The following CSNK2A1 variants were observed in gnomAD, a reference collection of about 807,000 sequenced individuals.
The protein encoded by CSNK2A1 is casein kinase 2 alpha 1, also known as casein kinase II subunit alpha.
CSNK2A1 carries 10 observed loss-of-function variants against 62.9 expected under a neutral mutation model. The ratio of observed to expected loss-of-function variants is 0.16; its 90% CI spans 0.10 to 0.27. CSNK2A1 has a LOEUF of 0.27. Among genes scored for constraint, CSNK2A1 ranks in the 10% least tolerant of loss-of-function variants. The pLI is 1.00. For synonymous variants in CSNK2A1, 124 were observed against 167.8 expected (o/e 0.74, Z 2.02); for missense variants, 160 against 492.0 (o/e 0.33, Z 6.38).
chr20:531,230 G>A (rs2019205785), intron 1 of CSNK2A1, among the ~76,000 whole-genome samples: 1 of 152,110 alleles, frequency 6.6e-6, no homozygotes, highest in Non-Finnish European at 1.5e-5. Context: ...GGGCAGGTAG[G>A]TCTGTCTGTC....
At chr20:501,985 TGA>T in intron 4 of CSNK2A1, 1 of 152,314 alleles carries the variant, frequency 6.6e-6, no homozygotes, top group East Asian at 1.9e-4. Flanking sequence ...CTCAAGCACA[TGA>T]TAGCAGAAAG....
chr20:515,872 G>A (rs553414652), intron 2 of CSNK2A1, among the ~76,000 whole-genome samples: 6 of 152,268 alleles, frequency 3.9e-5, no homozygotes, highest in Admixed American at 2.6e-4. Flanking sequence ...CATCTGGTAC[G>A]CAACTAGGAG....
chr20:525,333 G>A (rs565594805), intron 2 of CSNK2A1, among the ~76,000 whole-genome samples: 59 of 152,020 alleles, frequency 3.9e-4, no homozygotes, highest in Middle Eastern at 3.4e-3. Context: ...GCAACATGGC[G>A]AGACCTCGCC....
Position 484,104 on chromosome 20 carries a change from A to G in CSNK2A1, c.1061-28T>C, listed in dbSNP as rs760037262. The G allele has an allele frequency of 2.6e-6, 4 of 1,514,800 alleles. No individual in the cohort carries two copies. In the South Asian group the frequency reaches 3.8e-5, roughly 14 times the overall value. The allele number at this position is 1,514,800 out of a possible 1,614,324, so 93.8% of individuals were successfully genotyped here. A position where few individuals can be genotyped will look rare whatever the true frequency, so the allele number is the denominator to read the frequency against. On this transcript the variant is annotated intron_variant, in intron 13 of 13. Coordinates refer to ENST00000217244, the MANE Select transcript of CSNK2A1 (RefSeq NM_177559.3). The stretch of plus-strand genomic sequence containing the variant: ...GAAAGAAAAGAGCTGTCAGTGAGCC[A>G]AAGACACCAACCATGGCAATCTTAC...
intron 1 of CSNK2A1, among the ~76,000 whole-genome samples, chr20:538,072 T>C (rs1009137278): frequency 6.6e-6 from 1 of 151,972 alleles, no homozygotes; most frequent in African/African-American, 2.4e-5. Flanking sequence ...TTCAAGTGAT[T>C]CTCAGCCTCC....
chr20:485,224 C>T (rs758183321), intron 13 of CSNK2A1, among the ~76,000 whole-genome samples: 1 of 147,932 alleles, frequency 6.8e-6, no homozygotes, highest in Non-Finnish European at 1.5e-5. Flanking sequence ...CTCACTCTCA[C>T]CCAGGCTGGA....
intron 8 of CSNK2A1, chr20:493,984 G>A (rs1290379397): frequency 6.7e-6 from 1 of 148,416 alleles, no homozygotes; most frequent in Non-Finnish European, 1.5e-5. Flanking sequence ...GGATATGCCA[G>A]TTTGTTTAAC....
At chr20:530,910 C>A (rs1376244340) in intron 1 of CSNK2A1, among the ~76,000 whole-genome samples, 2 of 151,994 alleles carry the variant, frequency 1.3e-5, no homozygotes, top group African/African-American at 4.8e-5. Flanking sequence ...CATGATGAAA[C>A]CCCATTTGTA....
rs530361046 is a variant in CSNK2A1, at chr20:538,094, G to C, written c.-227+5578C>G. Among the ~76,000 whole-genome samples the C allele has an allele frequency of 6.2e-4, 95 of 152,078 alleles. 1 individual carries two copies. The highest frequency in any genetic ancestry group is 2.6e-3 in the Admixed American group (39 of 15,274). ...GATTCTCAGCCTCCTGAGTAGCTGG[G>C]ACCACAGGCACGCACCTCCACACTC... On this transcript the variant is annotated intron_variant, in intron 1 of 13. Transcript: ENST00000217244.
At chr20:532,330 AT>A (rs138287291) in intron 1 of CSNK2A1, among the ~76,000 whole-genome samples, 48,035 of 121,910 alleles carry the variant, frequency 0.39, 8,830 homozygotes, top group East Asian at 0.61. Flanking sequence ...TGCCCGGCTA[AT>A]TTTTTTTTTT....
intron 2 of CSNK2A1, among the ~76,000 whole-genome samples, chr20:524,645 G>A (rs535476408): frequency 2.0e-4 from 28 of 141,914 alleles, no homozygotes; most frequent in East Asian, 6.1e-4. Flanking sequence ...CTGGAGAATC[G>A]CTTGAACCTA....
intron 13 of CSNK2A1, among the ~76,000 whole-genome samples, chr20:485,099 A>ATAATAATAAT (rs2018056429): frequency 1.5e-4 from 5 of 34,460 alleles, no homozygotes; most frequent in African/African-American, 4.9e-4. Flanking sequence ...AAAAAAAAAA[A>ATAATAATAAT]AAAAAAAAAA....
At chr20:510,757 G>A (rs1568535603) in intron 2 of CSNK2A1, among the ~76,000 whole-genome samples, 1 of 151,956 alleles carries the variant, frequency 6.6e-6, no homozygotes, top group Non-Finnish European at 1.5e-5. Context: ...CCCTCTGTAG[G>A]CCAGGCTAGA....
chr20:483,816 T>A lies in CSNK2A1; in HGVS notation c.*145A>T, dbSNP rs1269518580. On this transcript the variant is annotated 3_prime_UTR_variant, in exon 14 of 14. Coordinates refer to ENST00000217244, the MANE Select transcript of CSNK2A1 (RefSeq NM_177559.3). ...TCAGCCTATTATAATTTTTTTTTTA[T>A]GACTGAACTACTATAAATCCACAAG... 10 of 518,194 alleles carry A rather than the reference T, an allele frequency of 1.9e-5. No homozygotes were observed. The highest frequency in any genetic ancestry group is 2.8e-5 in the Non-Finnish European group (9 of 326,220). 32.1% of individuals were successfully genotyped at this position (518,194 alleles called of 1,614,324 possible).
chr20:519,871 A>G (rs988411055), intron 2 of CSNK2A1, among the ~76,000 whole-genome samples: 5 of 152,216 alleles, frequency 3.3e-5, no homozygotes. Flanking sequence ...GAGCTTTAAA[A>G]CATAGAATAC....
At chr20:536,777 A>G (rs548403678) in intron 1 of CSNK2A1, among the ~76,000 whole-genome samples, 1 of 152,348 alleles carries the variant, frequency 6.6e-6, no homozygotes, top group South Asian at 2.1e-4. Context: ...GCCTGTTATC[A>G]GAAAACGTCA....
chr20:495,644 AAGGGATAAAGTGTT>A (rs1349134474), intron 8 of CSNK2A1, 61 bp downstream of exon 8: 69 of 1,292,042 alleles, frequency 5.3e-5, no homozygotes, highest in Non-Finnish European at 7.4e-5. Flanking sequence ...GTGACAACAC[AAGGGATAAAGTGTT>A]GAAGATGGGC....
Position 491,610 on chromosome 20 carries a change from G to A in CSNK2A1, c.621+644C>T, listed in dbSNP as rs549814627. On this transcript the variant is annotated intron_variant, in intron 9 of 13. Transcript: ENST00000217244. ...CACTTGAGCCCAGAAGTTCGGGGCT[G>A]CAGTCAGCTATGATCATGGCATTGC... Among the ~76,000 whole-genome samples the A allele has an allele frequency of 5.3e-5, 8 of 152,282 alleles. No homozygotes were observed. In the South Asian group the frequency reaches 1.5e-3, roughly 28 times the overall value.
chr20:524,156 G>A (rs2019015365), intron 2 of CSNK2A1, among the ~76,000 whole-genome samples: 1 of 152,034 alleles, frequency 6.6e-6, no homozygotes, highest in Admixed American at 6.6e-5. Context: ...GGGTGCAGCT[G>A]CTCACGCCTG....
Sources: allele counts gnomAD v4.1 joint callset (sites outside exome capture counted in the v4.1 genomes callset), GRCh38; gene constraint gnomAD v4.1.1; transcripts MANE v1.5; gene names NCBI Gene and HGNC (gene_info 2026-07-23, HGNC 2026-07-21).